Variants in TFAP4 observed in about 807,000 individuals in gnomAD.
The protein encoded by TFAP4 is activating enhancer-binding protein 4.
In TFAP4, 7 loss-of-function variants were observed where a neutral mutation model predicts 40.4. The observed-to-expected ratio is 0.17, with a 90% CI of 0.10 to 0.33. The LOEUF is 0.33. Ranked by LOEUF, TFAP4 falls within the 10% of genes least tolerant of loss-of-function variation. TFAP4 has a pLI of 1.00. For synonymous variants in TFAP4, 218 were observed against 181.4 expected (o/e 1.20, Z -1.62); for missense variants, 374 against 451.1 (o/e 0.83, Z 1.55).
Position 4,257,919 on chromosome 16 carries a change from G to T in TFAP4, c.*136C>A. The T allele has an allele frequency of 2.3e-6, 2 of 866,526 alleles. No homozygotes were observed. The highest frequency in any genetic ancestry group is 3.5e-6 in the Non-Finnish European group (2 of 578,962). The allele number at this position is 866,526 out of a possible 1,614,324, so 53.7% of individuals were successfully genotyped here. On this transcript the variant is annotated 3_prime_UTR_variant, in exon 7 of 7. Transcript: ENST00000204517. ...CGTTCAAAGGTCGATTTACAGTATT[G>T]AAAAAGAGGTCATAAAAGAGACCCA...
At chr16:4,260,385 C>T in intron 5 of TFAP4, 70 bp downstream of exon 5, 1 of 1,515,896 alleles carries the variant, frequency 6.6e-7, no homozygotes, top group East Asian at 2.3e-5. Context: ...TAGGGAGAGG[C>T]TTCCGCCATT....
intron 1 of TFAP4, among the ~76,000 whole-genome samples, chr16:4,271,358 C>T (rs2053038790): frequency 6.6e-6 from 1 of 152,238 alleles, no homozygotes; most frequent in South Asian, 2.1e-4. Flanking sequence ...GAGCACGTGG[C>T]TCCAGCCCTG....
chr16:4,262,371 TCTC>T lies in TFAP4; in HGVS notation c.304_306del (p.Glu102del). On this transcript the variant is annotated inframe_deletion, in exon 3 of 7. Coordinates refer to ENST00000204517, the MANE Select transcript of TFAP4 (RefSeq NM_003223.3). ...GTGTTCTGCTGCAAGAGCCTGGTCT[TCTC>T]CTGCTCCAGGGAGAAGATGTACTCG... 6.2e-7 allele frequency: 1 copy of T among 1,614,166 alleles called. No homozygotes were observed. Among genetic ancestry groups the T allele is most frequent in the Non-Finnish European group, 8.5e-7 (1 of 1,180,030 alleles).
intron 1 of TFAP4, chr16:4,266,638 G>C (rs1261234936): frequency 6.6e-6 from 1 of 152,192 alleles, no homozygotes; most frequent in Non-Finnish European, 1.5e-5. Flanking sequence ...AGGGGTTCCT[G>C]TTGATGAAGG....
chr16:4,270,796 A>G (rs1055477620), intron 1 of TFAP4, among the ~76,000 whole-genome samples: 1 of 152,200 alleles, frequency 6.6e-6, no homozygotes, highest in Non-Finnish European at 1.5e-5. Context: ...GATCAGGCCC[A>G]GAATGTCTTC....
intron 6 of TFAP4, among the ~76,000 whole-genome samples, 154 bp downstream of exon 6, chr16:4,259,936 C>G (rs2052930336): frequency 1.3e-5 from 2 of 152,236 alleles, no homozygotes; most frequent in Non-Finnish European, 2.9e-5. Context: ...ACTTGCAGAT[C>G]CAGGGACGGG....
At chr16:4,262,279 G>T (rs907461462) in intron 3 of TFAP4, 45 bp downstream of exon 3, 3 of 1,595,240 alleles carry the variant, frequency 1.9e-6, no homozygotes, top group Non-Finnish European at 2.6e-6. Flanking sequence ...TGGGTCCAAG[G>T]CATGCCCATG....
Position 4,272,702 on chromosome 16 carries a change from T to A in TFAP4, c.45A>T (p.Gln15His), listed in dbSNP as rs2053049122. The part of the protein sequence containing the change: ...MVPTQKVPSL[Q>H]HFRKTEKEVI... ...CTTCTTTCTCTGTTTTCCTGAAATG[T>A]TGCAAAGAGGGCACCTTCTGAGTGG... The change falls in exon 1 of 7, where the codon CAA (glutamine) becomes CAT (histidine). Residue 15 changes from glutamine to histidine, a missense_variant. Physicochemically the swap from Gln to His is conservative, Grantham distance 24. This residue lies in a region of TFAP4 where 51 missense variants were observed against 59.3 expected (regional missense o/e 0.86). Transcript: ENST00000204517. 1.9e-6 allele frequency: 3 copies of A among 1,613,338 alleles called. No homozygotes were observed. In the South Asian group the frequency reaches 3.3e-5, roughly 18 times the overall value.
At position 4,258,069 on chromosome 16, in the gene TFAP4, C is replaced by T. The variant is rs537940802; in HGVS notation, c.1003G>A (p.Gly335Arg). The T allele has an allele frequency of 2.5e-6, 4 of 1,611,846 alleles. No homozygotes were observed. The highest frequency in any genetic ancestry group is 1.7e-5 in the Admixed American group (1 of 59,954). ...DQSREEPSGD[G>R]ELP ...TGGGGGGGTAGTCAGGGAAGCTCCC[C>T]GTCCCCCGACGGCTCCTCCCGGCTC... The change falls in exon 7 of 7, where the codon GGG becomes AGG. Residue 335 changes from glycine (G) to arginine (R), a missense_variant. Physicochemically the swap from Gly to Arg is moderately radical, Grantham distance 125. Coordinates refer to ENST00000204517, the MANE Select transcript of TFAP4 (RefSeq NM_003223.3).
chr16:4,260,463 G>A lies in TFAP4; in HGVS notation c.658C>T (p.Arg220Trp), dbSNP rs751034744. ...EKLEREQQQLRTQLLPPPAPT... is the reference protein window; with the variant it reads ...EKLEREQQQLWTQLLPPPAPT... ...GGGCGCCTCCTGCTCACCTGGGTCC[G>A]CAGCTGCTGCTGTTCCCGCTCCAGC... The change falls in exon 5 of 7, where the codon CGG becomes TGG. Residue 220 changes from arginine (R) to tryptophan (W), a missense_variant. Physicochemically the swap from Arg to Trp is moderately radical, Grantham distance 101 (BLOSUM62 -3). Coordinates refer to ENST00000204517, the MANE Select transcript of TFAP4 (RefSeq NM_003223.3). 1.3e-4 allele frequency: 214 copies of A among 1,589,754 alleles called. No homozygotes were observed. Among genetic ancestry groups the A allele is most frequent in the Non-Finnish European group, 1.8e-4 (209 of 1,168,644 alleles).
intron 1 of TFAP4, among the ~76,000 whole-genome samples, chr16:4,269,608 G>T (rs2053025300): frequency 6.6e-6 from 1 of 150,890 alleles, no homozygotes; most frequent in East Asian, 2.0e-4. Flanking sequence ...TCAGGAGATC[G>T]AGACCATCCT....
chr16:4,258,155 T>C lies in TFAP4; in HGVS notation c.917A>G (p.Glu306Gly). Reference protein sequence around the residue: ...VIVKPVRSCPEAPTSDTASDS... With the variant: ...VIVKPVRSCPGAPTSDTASDS... Reference sequence around the variant, plus strand: ...GGAGGCGGTGTCAGAGGTGGGGGCCTCCGGGCAGCTGCGGACAGGCTTCAC... The same window carrying C: ...GGAGGCGGTGTCAGAGGTGGGGGCCCCCGGGCAGCTGCGGACAGGCTTCAC... Residue 306 changes from glutamate (E) to glycine (G), a missense_variant, in exon 7 of 7, where the codon GAG becomes GGG. Transcript: ENST00000204517. The C allele has an allele frequency of 6.2e-7, 1 of 1,613,944 alleles. No homozygotes were observed. The highest frequency in any genetic ancestry group is 8.5e-7 in the Non-Finnish European group (1 of 1,179,968).
chr16:4,265,632 A>AC (rs1428219845), intron 1 of TFAP4: 1 of 151,648 alleles, frequency 6.6e-6, no homozygotes, highest in African/African-American at 2.4e-5. Flanking sequence ...AAAAAAAAAA[A>AC]AAAAGGACCA....
chr16:4,258,130 G>A lies in TFAP4; in HGVS notation c.942C>T (p.Ser314=), dbSNP rs753107491. The A allele has an allele frequency of 1.1e-5, 18 of 1,613,806 alleles. No homozygotes were observed. The highest frequency in any genetic ancestry group is 1.2e-5 in the Non-Finnish European group (14 of 1,179,926). ...CGTCACTGTCTGAGGCCTCGGAGTC[G>A]GAGGCGGTGTCAGAGGTGGGGGCCT... ...CPEAPTSDTA[S]DSEASDSDAM... is the part of the protein sequence containing the mutation. Residue 314 remains serine (S), a synonymous_variant, in exon 7 of 7, where the codon TCC becomes TCT. Transcript: ENST00000204517.
At position 4,269,766 on chromosome 16, in the gene TFAP4, C is replaced by T. The variant is rs996351109; in HGVS notation, c.89+2892G>A. Among the ~76,000 whole-genome samples the T allele has an allele frequency of 9.9e-5, 15 of 151,844 alleles. No homozygotes were observed. The East Asian group carries it at 2.1e-3, about 22-fold the overall frequency. ...CAGAAGTTGCAGTGAGCCGAGATTG[C>T]GCCACTGCACTCCAGCCTGTGCGAC... On this transcript the variant is annotated intron_variant, in intron 1 of 6. Coordinates refer to ENST00000204517, the MANE Select transcript of TFAP4 (RefSeq NM_003223.3).
chr16:4,261,619 G>A (rs974679716), intron 4 of TFAP4, among the ~76,000 whole-genome samples, 160 bp downstream of exon 4: 6 of 152,110 alleles, frequency 3.9e-5, no homozygotes, highest in African/African-American at 1.2e-4. Flanking sequence ...GGCCCCCAAG[G>A]GCAGAGACGT....
chr16:4,260,718 G>C (rs1397619483), intron 4 of TFAP4, 123 bp from the exon 5 acceptor site: 3 of 1,158,894 alleles, frequency 2.6e-6, no homozygotes, highest in East Asian at 2.9e-5. Flanking sequence ...TCTCAACAGA[G>C]GCCAGAAGCC....
intron 4 of TFAP4, 145 bp downstream of exon 4, chr16:4,261,634 G>A: frequency 3.3e-6 from 3 of 920,016 alleles, no homozygotes; most frequent in Non-Finnish European, 4.7e-6. Flanking sequence ...AGACGTGTCT[G>A]GCTTGCTCCC....
intron 4 of TFAP4, among the ~76,000 whole-genome samples, chr16:4,260,902 G>A (rs909852959): frequency 6.6e-6 from 1 of 152,214 alleles, no homozygotes; most frequent in African/African-American, 2.4e-5. Context: ...GATGCCGTGG[G>A]GCGTCCCTTG....
Sources: gnomAD v4.1 joint callset for allele counts (sites outside exome capture counted in the v4.1 genomes callset) on GRCh38, gnomAD v4.1.1 for gene constraint, gnomAD v4.1.1 regional missense constraint, MANE v1.5 for transcripts, NCBI Gene and HGNC (gene_info 2026-07-23, HGNC 2026-07-21) for gene names.